DHX33: variants seen among roughly 807,000 people sequenced by gnomAD.
The protein encoded by DHX33 is DEAH-box helicase 33.
Under a neutral mutation model 72.5 loss-of-function variants are expected in DHX33, and 42 were observed. The ratio of observed to expected loss-of-function variants is 0.58; its 90% CI spans 0.45 to 0.75. DHX33 has a LOEUF of 0.75. Ranked by LOEUF, DHX33 falls within the 30% of genes least tolerant of loss-of-function variation. The pLI is 0.00. For synonymous variants in DHX33, 358 were observed against 366.1 expected (o/e 0.98, Z 0.25); for missense variants, 842 against 917.5 (o/e 0.92, Z 1.06).
rs58645097 is a variant in DHX33 at position 5,442,368 on chromosome 17, C to CAAAA, written c.*1833_*1836dup. On this transcript the variant is annotated 3_prime_UTR_variant, in exon 12 of 12. Transcript: ENST00000225296. ...CTACTGGAAAACAAAAAACAAAAAA[C>CAAAA]AAAAACTGGAAAACTTTTCAGAAAG... 33,605 of 141,514 alleles carry CAAAA rather than the reference C, an allele frequency of 0.24. 4,643 individuals carry two copies. Among genetic ancestry groups the CAAAA allele is most frequent in the East Asian group, 0.67 (3,374 of 5,048 alleles). 8.8% of individuals were successfully genotyped at this position (141,514 alleles called of 1,614,324 possible).
intron 10 of DHX33, 83 bp downstream of exon 10, chr17:5,450,120 T>C: frequency 8.5e-6 from 13 of 1,538,130 alleles, no homozygotes; most frequent in Non-Finnish European, 1.1e-5. Flanking sequence ...AGCGTACTTT[T>C]TGCACGGCTT....
chr17:5,468,924 C>T lies in DHX33; in HGVS notation c.-65G>A. The T allele has an allele frequency of 4.6e-6, 7 of 1,525,722 alleles. No individual in the cohort carries two copies. Among genetic ancestry groups the T allele is most frequent in the Non-Finnish European group, 6.2e-6 (7 of 1,130,126 alleles). The allele number at this position is 1,525,722 out of a possible 1,614,324, so 94.5% of individuals were successfully genotyped here. On this transcript the variant is annotated 5_prime_UTR_variant, in exon 1 of 12. Transcript: ENST00000225296. Reference sequence around the variant, plus strand: ...GCTCCTGCCCCCTCTCAGGTGCAGACAACAGGAGCACACCGCCCCTTCCTC... The same window carrying T: ...GCTCCTGCCCCCTCTCAGGTGCAGATAACAGGAGCACACCGCCCCTTCCTC...
At chr17:5,465,031 A>G (rs1904812132) in intron 1 of DHX33, among the ~76,000 whole-genome samples, 1 of 152,240 alleles carries the variant, frequency 6.6e-6, no homozygotes, top group African/African-American at 2.4e-5. Context: ...CTCCAACACC[A>G]GAAGGGAAGC....
chr17:5,453,577 T>C lies in DHX33; in HGVS notation c.1396+3A>G. 2 of 1,614,100 alleles carry C rather than the reference T, an allele frequency of 1.2e-6. No individual in the cohort carries two copies. The highest frequency in any genetic ancestry group is 1.7e-6 in the Non-Finnish European group (2 of 1,179,922). ...CTTCTGCAAAACTGTGGATTTCACT[T>C]ACCTGGAGATGGCTTCGACATGAAG... is the stretch of plus-strand genomic sequence containing the variant. On this transcript the variant is annotated splice_donor_region_variant and intron_variant, in intron 8 of 11. Transcript: ENST00000225296.
chr17:5,453,555 C>T (rs1200669888), intron 8 of DHX33, 25 bp downstream of exon 8: 1 of 1,605,288 alleles, frequency 6.2e-7, no homozygotes, highest in African/African-American at 1.3e-5. Context: ...CACCCACCTT[C>T]TGCAAAACTG....
chr17:5,467,319 A>C (rs762823313), intron 1 of DHX33, among the ~76,000 whole-genome samples: 13 of 152,202 alleles, frequency 8.5e-5, no homozygotes, highest in Admixed American at 6.5e-4. Context: ...CATTGCTCCT[A>C]GTCAACCCGA....
Position 5,444,621 on chromosome 17 carries a change from A to G in DHX33, c.1816-108T>C, listed in dbSNP as rs1306814304. Reference sequence around the variant, plus strand: ...ACCCACTGGGGCAAAAGCAGCCCACATTGTGAGCCTAACGATGTGGATTCT... The same window carrying G: ...ACCCACTGGGGCAAAAGCAGCCCACGTTGTGAGCCTAACGATGTGGATTCT... On this transcript the variant is annotated intron_variant, in intron 11 of 11. Transcript: ENST00000225296. The surrounding 1 kb of genome is among the most constrained non-coding windows in gnomAD (Gnocchi z 4.9). 4.4e-6 allele frequency: 5 copies of G among 1,145,290 alleles called. No homozygotes were observed. In the African/African-American group the frequency reaches 7.7e-5, roughly 18 times the overall value. 70.9% of individuals were successfully genotyped at this position (1,145,290 alleles called of 1,614,324 possible).
chr17:5,463,230 T>C lies in DHX33; in HGVS notation c.450+299A>G, dbSNP rs932614759. Among the ~76,000 whole-genome samples, 38 of 152,330 alleles carry C rather than the reference T, an allele frequency of 2.5e-4. 1 individual carries two copies. The highest frequency in any genetic ancestry group is 8.7e-4 in the African/African-American group (36 of 41,572). ...AATACTCACATATACACTGGCATAA[T>C]GCTTACAATTTTTCTAGAATGATAT... On this transcript the variant is annotated intron_variant, in intron 2 of 11. Transcript: ENST00000225296.
chr17:5,445,453 T>G (rs899278676), intron 11 of DHX33, among the ~76,000 whole-genome samples: 2 of 152,216 alleles, frequency 1.3e-5, no homozygotes, highest in African/African-American at 4.8e-5. Flanking sequence ...GTTTCATGAT[T>G]CCTATCTGTG....
chr17:5,463,032 T>C (rs1001041922), intron 2 of DHX33, among the ~76,000 whole-genome samples: 1 of 152,012 alleles, frequency 6.6e-6, no homozygotes, highest in Admixed American at 6.6e-5. Flanking sequence ...TGAGCCAAGA[T>C]TGCGCCACTG....
rs1917133727 is a variant in DHX33, at chr17:5,455,184, C to T, written c.1123G>A (p.Val375Ile). 1 of 1,614,136 alleles carries T rather than the reference C, an allele frequency of 6.2e-7. No individual in the cohort carries two copies. Among genetic ancestry groups the T allele is most frequent in the Non-Finnish European group, 8.5e-7 (1 of 1,179,982 alleles). Residue 375 changes from valine (V) to isoleucine (I), a missense_variant, in exon 6 of 12, where the codon GTT (valine) becomes ATT (isoleucine). Physicochemically the swap from Val to Ile is conservative, Grantham distance 29 (BLOSUM62 3). Coordinates refer to ENST00000225296, the MANE Select transcript of DHX33 (RefSeq NM_020162.4). ...GIKYVVDTGM[V>I]KAKKYNPDSG... The stretch of plus-strand genomic sequence containing the variant: ...CCAGGGTTATACTTCTTTGCTTTAA[C>T]CATGCCCGTGTCAACTACATATTTT...
chr17:5,468,561 G>C lies in DHX33; in HGVS notation c.289+10C>G. On this transcript the variant is annotated intron_variant, in intron 1 of 11. Transcript: ENST00000225296. ...AGTGCAAGGAAGAGCCCGCCGGCGC[G>C]GCCACTCACCGATGAGGACCGCGTT... 6.2e-7 allele frequency: 1 copy of C among 1,603,840 alleles called. No individual in the cohort carries two copies. The highest frequency in any genetic ancestry group is 1.1e-5 in the South Asian group (1 of 89,654).
chr17:5,447,529 CAGG>C (rs1488008606), intron 11 of DHX33, among the ~76,000 whole-genome samples: 1 of 152,000 alleles, frequency 6.6e-6, no homozygotes, highest in African/African-American at 2.4e-5. Context: ...GAGGCTGAGG[CAGG>C]AGAATTGCTT....
In DHX33 at chr17:5,445,277, C is replaced by T. The variant is rs544571947; in HGVS notation, c.1816-764G>A. ...TATTTTTAGTAGAAACGGGGTTTCA[C>T]CATTTTGGTCAGGCTGGTCTTGAAC... is the stretch of plus-strand genomic sequence containing the variant. On this transcript the variant is annotated intron_variant, in intron 11 of 11. Transcript: ENST00000225296. Among the ~76,000 whole-genome samples the T allele has an allele frequency of 4.6e-5, 7 of 152,296 alleles. No individual in the cohort carries two copies. The South Asian group carries it at 1.4e-3, about 32-fold the overall frequency.
rs377645589 is a variant in DHX33 at position 5,442,250 on chromosome 17, A to ATTTTTTTTTTT, written c.*1944_*1954dup. On this transcript the variant is annotated 3_prime_UTR_variant, in exon 12 of 12. Coordinates refer to ENST00000225296, the MANE Select transcript of DHX33 (RefSeq NM_020162.4). ...AGCCACTGCGCCCGGCCACCCCCCAATTTTTTTTTTTTTTTTTTTTTTTTT... is the reference window on the plus strand; with the variant it reads ...AGCCACTGCGCCCGGCCACCCCCCAATTTTTTTTTTTTTTTTTTTTTTTTTTTTTTTTTTTT... 2 of 121,822 alleles carry ATTTTTTTTTTT rather than the reference A, an allele frequency of 1.6e-5. No homozygotes were observed. The highest frequency in any genetic ancestry group is 3.1e-5 in the African/African-American group (1 of 32,004). The allele number at this position is 121,822 out of a possible 1,614,324, so 7.5% of individuals were successfully genotyped here. A position where few individuals can be genotyped will look rare whatever the true frequency, so the allele number is the denominator to read the frequency against.
At chr17:5,448,283 G>A (rs117415074) in intron 11 of DHX33, among the ~76,000 whole-genome samples, 1,556 of 152,314 alleles carry the variant, frequency 0.01, 8 homozygotes, top group Non-Finnish European at 0.015. Context: ...GCACGTATCC[G>A]TTATGTGTGT....
In DHX33 at chr17:5,442,275, T is replaced by TA. The variant is rs1459171186; in HGVS notation, c.*1929dup. 1.4e-5 allele frequency: 2 copies of TA among 146,454 alleles called. No homozygotes were observed. The highest frequency in any genetic ancestry group is 1.9e-4 in the East Asian group (1 of 5,134). 9.1% of individuals were successfully genotyped at this position (146,454 alleles called of 1,614,324 possible). A position where few individuals can be genotyped will look rare whatever the true frequency, so the allele number is the denominator to read the frequency against. On this transcript the variant is annotated 3_prime_UTR_variant, in exon 12 of 12. Transcript: ENST00000225296. The stretch of plus-strand genomic sequence containing the variant: ...ATTTTTTTTTTTTTTTTTTTTTTTT[T>TA]ACCAGCACTATGAATGATTAAAAAT...
At chr17:5,453,435 G>A (rs977327072) in intron 8 of DHX33, 145 bp downstream of exon 8, 7 of 673,434 alleles carry the variant, frequency 1.0e-5, no homozygotes, top group Non-Finnish European at 1.6e-5. Flanking sequence ...ATGATTTTCA[G>A]ATGCTTCTCT....
At position 5,450,842 on chromosome 17, in the gene DHX33, T is replaced by C. The variant is rs766293603; in HGVS notation, c.1489A>G (p.Met497Val). The C allele has an allele frequency of 6.2e-7, 1 of 1,614,210 alleles. No homozygotes were observed. Among genetic ancestry groups the C allele is most frequent in the Non-Finnish European group, 8.5e-7 (1 of 1,180,036 alleles). Residue 497 changes from methionine to valine, a missense_variant, in exon 9 of 12, where the codon ATG becomes GTG. By Grantham distance (21) the Met-to-Val change is conservative (BLOSUM62 1). Transcript: ENST00000225296. ...TTGGGTTCTAAAGGAAATGCTGCCATCTTTCTTCCCATTGGAGTCAGGGTA... is the reference window on the plus strand; with the variant it reads ...TTGGGTTCTAAAGGAAATGCTGCCACCTTTCTTCCCATTGGAGTCAGGGTA... ...QLTLTPMGRK[M>V]AAFPLEPKFA...
Sources: gnomAD v4.1 joint callset for allele counts (sites outside exome capture counted in the v4.1 genomes callset) on GRCh38, gnomAD v4.1.1 for gene constraint, Gnocchi (gnomAD v3.1) non-coding constraint, MANE v1.5 for transcripts, NCBI Gene and HGNC (gene_info 2026-07-23, HGNC 2026-07-21) for gene names.